The following ADAMTS6 variants were observed in gnomAD, a reference collection of about 807,000 sequenced individuals.
ADAMTS6 encodes A disintegrin and metalloproteinase with thrombospondin motifs 6.
ADAMTS6 carries 23 observed loss-of-function variants against 144.3 expected under a neutral mutation model. The ratio of observed to expected loss-of-function variants is 0.16; its 90% CI spans 0.11 to 0.23. The LOEUF (loss-of-function observed/expected upper bound fraction) is 0.23, where lower values mean the gene tolerates loss of function less well. Ranked by LOEUF, ADAMTS6 falls within the 10% of genes least tolerant of loss-of-function variation. The pLI is 1.00. For synonymous variants in ADAMTS6, 444 were observed against 457.5 expected (o/e 0.97, Z 0.38); for missense variants, 999 against 1,379.6 (o/e 0.72, Z 4.37).
chr5:65,406,329 G>A (rs926801364), intron 7 of ADAMTS6, among the ~76,000 whole-genome samples: 2 of 151,786 alleles, frequency 1.3e-5, no homozygotes, highest in Non-Finnish European at 1.5e-5. Context: ...CCATCAATAC[G>A]TAATTTATTC....
At chr5:65,243,835 A>C (rs992497436) in intron 14 of ADAMTS6, among the ~76,000 whole-genome samples, 2 of 152,146 alleles carry the variant, frequency 1.3e-5, no homozygotes, top group Non-Finnish European at 2.9e-5. Flanking sequence ...AAAAACAAAC[A>C]AATAATTTGA....
At chr5:65,169,892 G>GGA (rs1467005165) in intron 24 of ADAMTS6, among the ~76,000 whole-genome samples, 3 of 114,060 alleles carry the variant, frequency 2.6e-5, no homozygotes, top group African/African-American at 1.5e-4. Flanking sequence ...GTGGTGGGGA[G>GGA]GGGGGAGGGG....
In ADAMTS6 at chr5:65,473,956, G is replaced by GAA; in HGVS notation, c.-279-6_-279-5dup. The GAA allele has an allele frequency of 2.8e-5, 10 of 353,334 alleles. No homozygotes were observed. Among genetic ancestry groups the GAA allele is most frequent in the South Asian group, 2.0e-4 (2 of 9,810 alleles). The allele number at this position is 353,334 out of a possible 1,614,324, so 21.9% of individuals were successfully genotyped here. A position where few individuals can be genotyped will look rare whatever the true frequency, so the allele number is the denominator to read the frequency against. On this transcript the variant is annotated splice_polypyrimidine_tract_variant and splice_region_variant and intron_variant, in intron 1 of 24. Coordinates refer to ENST00000381055, the MANE Select transcript of ADAMTS6 (RefSeq NM_197941.4). The stretch of plus-strand genomic sequence containing the variant: ...TAAAGTATGGCCATTTTTTAACCTA[G>GAA]AAAAAAAAAAATTTAAGTTAACTGA...
intron 7 of ADAMTS6, among the ~76,000 whole-genome samples, chr5:65,436,712 G>C (rs946845400): frequency 3.5e-5 from 4 of 114,896 alleles, no homozygotes; most frequent in Non-Finnish European, 5.9e-5. Context: ...AAAACAACTA[G>C]CCAGGTTTGG....
intron 7 of ADAMTS6, among the ~76,000 whole-genome samples, chr5:65,347,316 GGAACA>G (rs1364937217): frequency 7.2e-5 from 11 of 151,810 alleles, no homozygotes; most frequent in Admixed American, 2.6e-4. Flanking sequence ...ATAGCCCAAT[GGAACA>G]GAACAGAGAG....
intron 7 of ADAMTS6, among the ~76,000 whole-genome samples, chr5:65,371,104 C>G (rs1260156433): frequency 6.6e-6 from 1 of 152,096 alleles, no homozygotes; most frequent in East Asian, 1.9e-4. Flanking sequence ...GACATCCACA[C>G]CAAAAACCAA....
chr5:65,298,760 G>T (rs1482308975), intron 10 of ADAMTS6, among the ~76,000 whole-genome samples: 1 of 152,142 alleles, frequency 6.6e-6, no homozygotes, highest in African/African-American at 2.4e-5. Flanking sequence ...TACATTAAAA[G>T]AGCTCATTTT....
intron 11 of ADAMTS6, among the ~76,000 whole-genome samples, chr5:65,289,405 C>T (rs1056331471): frequency 3.9e-5 from 6 of 151,990 alleles, no homozygotes; most frequent in Admixed American, 2.0e-4. Context: ...TGGTGGTGAG[C>T]GCCTGTAATC....
chr5:65,221,111 A>G (rs191352902), intron 18 of ADAMTS6, among the ~76,000 whole-genome samples: 6 of 152,310 alleles, frequency 3.9e-5, no homozygotes, highest in Non-Finnish European at 7.4e-5. Context: ...GACTTCCAGA[A>G]AACAGAGGAG....
intron 9 of ADAMTS6, among the ~76,000 whole-genome samples, chr5:65,324,694 G>A (rs982929366): frequency 1.3e-5 from 2 of 151,680 alleles, no homozygotes; most frequent in African/African-American, 4.8e-5. Flanking sequence ...AATAAGAAAA[G>A]AACAACCCAG....
chr5:65,402,147 C>T (rs1461520361), intron 7 of ADAMTS6, among the ~76,000 whole-genome samples: 1 of 152,132 alleles, frequency 6.6e-6, no homozygotes, highest in Non-Finnish European at 1.5e-5. Context: ...CACTGTTCCT[C>T]ACCGTCTTCA....
At chr5:65,319,517 CAAAAA>C (rs773263244) in intron 9 of ADAMTS6, among the ~76,000 whole-genome samples, 2 of 124,578 alleles carry the variant, frequency 1.6e-5, no homozygotes, top group Admixed American at 1.6e-4. Flanking sequence ...CCATATCTAC[CAAAAA>C]AAAAAAAAAT....
chr5:65,478,100 C>T (rs1335244441), intron 1 of ADAMTS6, among the ~76,000 whole-genome samples: 3 of 151,668 alleles, frequency 2.0e-5, no homozygotes, highest in African/African-American at 7.3e-5. Context: ...GCACTGCAGC[C>T]TGGGTGACAG....
At chr5:65,445,195 T>A (rs1338779304) in intron 7 of ADAMTS6, among the ~76,000 whole-genome samples, 3 of 152,336 alleles carry the variant, frequency 2.0e-5, no homozygotes, top group East Asian at 3.9e-4. Flanking sequence ...AAATAGCATC[T>A]TCTTGTTTCC....
intron 7 of ADAMTS6, among the ~76,000 whole-genome samples, chr5:65,400,940 T>C (rs1753865661): frequency 6.6e-6 from 1 of 152,224 alleles, no homozygotes; most frequent in Admixed American, 6.5e-5. Context: ...ACAGTTCTCA[T>C]CTGTGCTTGC....
At chr5:65,164,066 C>A (rs1197690688) in intron 24 of ADAMTS6, among the ~76,000 whole-genome samples, 1 of 152,140 alleles carries the variant, frequency 6.6e-6, no homozygotes, top group African/African-American at 2.4e-5. Context: ...GTCAACAGCT[C>A]CCAGCGTGAG....
intron 9 of ADAMTS6, among the ~76,000 whole-genome samples, chr5:65,312,968 T>C (rs947849803): frequency 1.3e-5 from 2 of 152,020 alleles, no homozygotes; most frequent in Non-Finnish European, 2.9e-5. Flanking sequence ...GTTGCTGAAT[T>C]AGTTAATGAT....
At chr5:65,449,387 TG>T (rs1168863312) in intron 7 of ADAMTS6, among the ~76,000 whole-genome samples, 1 of 151,946 alleles carries the variant, frequency 6.6e-6, no homozygotes, top group Admixed American at 6.6e-5. Flanking sequence ...GAGGCCGAGG[TG>T]GGCGGATCAC....
intron 7 of ADAMTS6, among the ~76,000 whole-genome samples, chr5:65,380,674 T>G (rs1751968851): frequency 6.6e-6 from 1 of 152,244 alleles, no homozygotes; most frequent in Non-Finnish European, 1.5e-5. Flanking sequence ...TTTCTTTGTT[T>G]GCTGGTGAGA....
Sources: allele counts gnomAD v4.1 joint callset (sites outside exome capture counted in the v4.1 genomes callset), GRCh38; gene constraint gnomAD v4.1.1; transcripts MANE v1.5; gene names NCBI Gene and HGNC (gene_info 2026-07-23, HGNC 2026-07-21).